The following SLC8A1 variants were observed in gnomAD, a reference collection of about 807,000 sequenced individuals.
SLC8A1 encodes sodium/calcium exchanger 1.
SLC8A1 carries 18 observed loss-of-function variants against 68.3 expected under a neutral mutation model. That is an observed-to-expected ratio of 0.26 (90% CI 0.18 to 0.39). SLC8A1 has a LOEUF of 0.39. Among genes scored for constraint, SLC8A1 ranks in the 10% least tolerant of loss-of-function variants. The pLI is 1.00. For synonymous variants in SLC8A1, 475 were observed against 415.5 expected (o/e 1.14, Z -1.74); for missense variants, 985 against 1,156.7 (o/e 0.85, Z 2.15).
intron 7 of SLC8A1, among the ~76,000 whole-genome samples, chr2:40,136,176 G>T (rs1387617097): frequency 6.6e-6 from 1 of 152,156 alleles, no homozygotes; most frequent in African/African-American, 2.4e-5. Flanking sequence ...AGAGAAGTAA[G>T]TCTGAAAAAT....
At chr2:40,415,922 C>T (rs1446907981) in intron 2 of SLC8A1, among the ~76,000 whole-genome samples, 1 of 147,530 alleles carries the variant, frequency 6.8e-6, no homozygotes, top group African/African-American at 2.5e-5. Flanking sequence ...ATTAGCTGGG[C>T]GTGGTGGCAG....
intron 2 of SLC8A1, among the ~76,000 whole-genome samples, chr2:40,382,988 G>C (rs1298261316): frequency 2.6e-5 from 4 of 151,994 alleles, no homozygotes; most frequent in Non-Finnish European, 5.9e-5. Flanking sequence ...TACACAACCT[G>C]TCTTATGGCA....
exon 2 of SLC8A1, chr2:40,430,266 C>A (rs752252001): frequency 1.2e-6 from 2 of 1,610,728 alleles, no homozygotes; most frequent in Non-Finnish European, 1.7e-6. Context: ...GACTTAATCG[C>A]CGCATGTTGT....
intron 1 of SLC8A1, among the ~76,000 whole-genome samples, chr2:40,465,304 A>G (rs74346966): frequency 0.053 from 8,013 of 150,294 alleles, 280 homozygotes; most frequent in Middle Eastern, 0.11. Context: ...GTAGGTGAGG[A>G]ACCTATTACA....
chr2:40,475,022 G>A (rs1406996431), intron 1 of SLC8A1, among the ~76,000 whole-genome samples: 1 of 152,064 alleles, frequency 6.6e-6, no homozygotes, highest in South Asian at 2.1e-4. Context: ...ATTGTTTTAA[G>A]TTTAACTTAT....
chr2:40,177,817 T>A (rs1390602457), exon 3 of SLC8A1: 1 of 1,551,326 alleles, frequency 6.4e-7, no homozygotes, highest in African/African-American at 1.4e-5. Context: ...CTCTTTCTCA[T>A]ATTCCTCACG....
At chr2:40,410,714 C>T (rs1472349313) in intron 2 of SLC8A1, among the ~76,000 whole-genome samples, 1 of 152,024 alleles carries the variant, frequency 6.6e-6, no homozygotes, top group East Asian at 1.9e-4. Context: ...GCTATTTAAA[C>T]ATATCTTCCC....
intron 1 of SLC8A1, among the ~76,000 whole-genome samples, chr2:40,482,201 A>C (rs936375384): frequency 3.3e-5 from 5 of 152,150 alleles, no homozygotes; most frequent in African/African-American, 1.2e-4. Context: ...AATGTCCCAG[A>C]TGTCTTTGGT....
intron 2 of SLC8A1, among the ~76,000 whole-genome samples, chr2:40,237,397 C>G (rs2148936619): frequency 6.6e-6 from 1 of 152,286 alleles, no homozygotes; most frequent in Non-Finnish European, 1.5e-5. Context: ...TTGATTGCAT[C>G]AGCTCCTGAG....
intron 2 of SLC8A1, chr2:40,209,888 G>A (rs1420224225): frequency 1.3e-5 from 2 of 152,332 alleles, no homozygotes; most frequent in Admixed American, 6.5e-5. Context: ...CAGTGGCAGA[G>A]GAAATGGACT....
chr2:40,170,217 A>G (rs2047222936), intron 4 of SLC8A1, 64 bp downstream of exon 7: 4 of 1,413,054 alleles, frequency 2.8e-6, no homozygotes, highest in Admixed American at 1.7e-5. Flanking sequence ...CATGACTGTA[A>G]TGTCTCTAAC....
chr2:40,185,657 A>G (rs1438471251), intron 2 of SLC8A1, among the ~76,000 whole-genome samples: 1 of 152,156 alleles, frequency 6.6e-6, no homozygotes, highest in African/African-American at 2.4e-5. Context: ...AATAATGAAA[A>G]TGTTCTAAAA....
intron 2 of SLC8A1, among the ~76,000 whole-genome samples, chr2:40,335,921 C>A (rs1043476326): frequency 2.0e-5 from 3 of 152,176 alleles, no homozygotes; most frequent in Non-Finnish European, 4.4e-5. Context: ...CACTACACTG[C>A]TAGTTGGTAT....
In SLC8A1 at chr2:40,459,368, A is replaced by T. The variant is rs1047900964; in HGVS notation, c.-24-29064T>A. Among the ~76,000 whole-genome samples, 4 of 151,086 alleles carry T rather than the reference A, an allele frequency of 2.6e-5. No individual in the cohort carries two copies. The East Asian group carries it at 5.8e-4, about 22-fold the overall frequency. On this transcript the variant is annotated intron_variant, in intron 1 of 7. Coordinates refer to the SLC8A1 transcript ENST00000402441. ...CAGATAAAATGATATAGGACAGTAT[A>T]TTTTTTTTTGTTTTGAAAATTTGTT...
intron 2 of SLC8A1, among the ~76,000 whole-genome samples, chr2:40,198,770 G>A (rs1425485871): frequency 1.3e-5 from 2 of 151,856 alleles, no homozygotes; most frequent in African/African-American, 4.8e-5. Flanking sequence ...CTACTCTGGA[G>A]AGTGACTCCA....
upstream of SLC8A1, among the ~76,000 whole-genome samples, chr2:40,452,284 T>G (rs773994121): frequency 6.6e-6 from 1 of 151,574 alleles, no homozygotes; most frequent in Non-Finnish European, 1.5e-5. Flanking sequence ...TGCGCGCCCC[T>G]TGGGCTCCCC....
At chr2:40,242,124 T>G (rs1192233655) in intron 2 of SLC8A1, among the ~76,000 whole-genome samples, 2 of 151,810 alleles carry the variant, frequency 1.3e-5, no homozygotes, top group African/African-American at 2.4e-5. Flanking sequence ...AATTTAAGTG[T>G]GAGAAGGATG....
At chr2:40,429,714 C>T (rs767662676) in exon 2 of SLC8A1, 3 of 1,613,858 alleles carry the variant, frequency 1.9e-6, no homozygotes, top group Admixed American at 3.3e-5. Context: ...CGTCAGGCAC[C>T]ACATAAACAC....
chr2:40,385,414 T>C (rs1184852362), intron 2 of SLC8A1, among the ~76,000 whole-genome samples: 1 of 146,688 alleles, frequency 6.8e-6, no homozygotes, highest in East Asian at 2.0e-4. Context: ...TCTTTTAATC[T>C]CTCTCAAATC....
Sources: gnomAD v4.1 joint callset for allele counts (sites outside exome capture counted in the v4.1 genomes callset) on GRCh38, gnomAD v4.1.1 for gene constraint, MANE v1.5 for transcripts, NCBI Gene and HGNC (gene_info 2026-07-23, HGNC 2026-07-21) for gene names.